Variants in VEZT observed in about 807,000 individuals in gnomAD.
VEZT encodes the protein vezatin.
VEZT carries 39 observed loss-of-function variants against 79.9 expected under a neutral mutation model. That is an observed-to-expected ratio of 0.49 (90% confidence interval 0.38 to 0.64). The LOEUF is 0.64. VEZT is among the 30% of genes least tolerant of loss of function. The probability of loss-of-function intolerance (pLI) is 0.00; values close to 1 mark genes in which losing one functional copy is unlikely to be tolerated. For synonymous variants in VEZT, 325 were observed against 327.6 expected, an observed-to-expected ratio of 0.99 and a Z score of 0.09; for missense variants, 837 against 893.1, an observed-to-expected ratio of 0.94 and a Z score of 0.80.
intron 5 of VEZT, among the ~76,000 whole-genome samples, chr12:95,267,972 A>G (rs1356776229): frequency 6.6e-6 from 1 of 151,884 alleles, no homozygotes; most frequent in Non-Finnish European, 1.5e-5. Context: ...TAGTGAGCCA[A>G]GATTGTGCCA....
chr12:95,267,729 G>GT (rs2065803970), intron 5 of VEZT, among the ~76,000 whole-genome samples: 1 of 152,118 alleles, frequency 6.6e-6, no homozygotes. Flanking sequence ...CTCAATCAAA[G>GT]TATAAAAGTC....
At chr12:95,235,695 G>A (rs2060019740) in intron 1 of VEZT, among the ~76,000 whole-genome samples, 1 of 151,168 alleles carries the variant, frequency 6.6e-6, no homozygotes, top group African/African-American at 2.4e-5. Flanking sequence ...TCCCGGACGG[G>A]GCGGCTGGCC....
intron 7 of VEZT, among the ~76,000 whole-genome samples, chr12:95,279,784 C>T (rs1399519281): frequency 6.6e-6 from 1 of 152,110 alleles, no homozygotes; most frequent in Non-Finnish European, 1.5e-5. Flanking sequence ...TTTGTAGAGG[C>T]AGGGGTCTCA....
intron 2 of VEZT, among the ~76,000 whole-genome samples, chr12:95,253,420 A>G (rs1207802956): frequency 6.6e-6 from 1 of 152,224 alleles, no homozygotes; most frequent in Non-Finnish European, 1.5e-5. Context: ...TAGGAGAGTT[A>G]GAGCTCACAT....
In VEZT at chr12:95,293,354, C is replaced by T. The variant is rs376806107; in HGVS notation, c.1523-918C>T. Reference sequence around the variant, plus strand: ...ATACTTCTTTATTTTAACCATTTAACTATTGTTACTTTTGAAAATTAAAAA... The same window carrying T: ...ATACTTCTTTATTTTAACCATTTAATTATTGTTACTTTTGAAAATTAAAAA... On this transcript the variant is annotated intron_variant, in intron 9 of 11. Transcript: ENST00000436874. 4.6e-5 allele frequency among the ~76,000 whole-genome samples: 7 copies of T among 152,126 alleles called. No individual in the cohort carries two copies. In the East Asian group the frequency reaches 5.8e-4, roughly 13 times the overall value.
At chr12:95,294,034 G>A (rs1452127354) in intron 9 of VEZT, 2 of 390,522 alleles carry the variant, frequency 5.1e-6, no homozygotes, top group Non-Finnish European at 4.8e-6. Flanking sequence ...GATTACAGGT[G>A]TGCACCACCA....
chr12:95,258,619 T>C (rs980681516), intron 3 of VEZT, among the ~76,000 whole-genome samples: 3 of 152,224 alleles, frequency 2.0e-5, no homozygotes, highest in African/African-American at 7.2e-5. Context: ...GTAAGAATAT[T>C]GGCAATTGCT....
intron 6 of VEZT, among the ~76,000 whole-genome samples, chr12:95,271,330 A>C (rs2066552163): frequency 6.6e-6 from 1 of 152,160 alleles, no homozygotes; most frequent in East Asian, 1.9e-4. Context: ...TGCTAGGAAA[A>C]CTGAGTAAAA....
chr12:95,283,026 G>A (rs1418515158), intron 8 of VEZT, among the ~76,000 whole-genome samples: 1 of 152,098 alleles, frequency 6.6e-6, no homozygotes, highest in Non-Finnish European at 1.5e-5. Flanking sequence ...ACCAGTACTG[G>A]AACAGTATAT....
At chr12:95,289,495 T>C (rs981783023) in intron 9 of VEZT, among the ~76,000 whole-genome samples, 1 of 151,854 alleles carries the variant, frequency 6.6e-6, no homozygotes, top group African/African-American at 2.4e-5. Flanking sequence ...ATGTTGAATC[T>C]TAGTCTATCG....
intron 8 of VEZT, 86 bp from the exon 9 acceptor site, chr12:95,287,578 A>T: frequency 7.8e-7 from 1 of 1,288,272 alleles, no homozygotes; most frequent in East Asian, 2.6e-5. Flanking sequence ...GCTGAGATTT[A>T]AGCTTATTTT....
Position 95,274,734 on chromosome 12 carries a change from A to C in VEZT, c.849-8A>C. ...AAGGCTTTGTTGATTGCCTTAACCT[A>C]ATTTAACCTACCCCCTGAACTCTGA... On this transcript the variant is annotated splice_region_variant and splice_polypyrimidine_tract_variant and intron_variant, in intron 6 of 11. Transcript: ENST00000436874. 1 of 1,607,070 alleles carries C rather than the reference A, an allele frequency of 6.2e-7. No homozygotes were observed. The highest frequency in any genetic ancestry group is 1.3e-5 in the African/African-American group (1 of 74,666).
chr12:95,234,241 A>G (rs999286205), intron 1 of VEZT, among the ~76,000 whole-genome samples: 2 of 151,866 alleles, frequency 1.3e-5, no homozygotes, highest in Non-Finnish European at 2.9e-5. Flanking sequence ...ATTGTAAATT[A>G]AAAAACTGTT....
chr12:95,245,385 C>A, intron 1 of VEZT: 1 of 389,458 alleles, frequency 2.6e-6, no homozygotes, highest in Non-Finnish European at 5.0e-6. Flanking sequence ...GGAAACAGAG[C>A]ATACCTAGAA....
chr12:95,252,645 G>A (rs2062790923), intron 2 of VEZT, among the ~76,000 whole-genome samples: 1 of 152,122 alleles, frequency 6.6e-6, no homozygotes. Context: ...ATTCATTTAT[G>A]TCCTGCTAGC....
chr12:95,249,675 C>T lies in VEZT; in HGVS notation c.37-2265C>T, dbSNP rs73227412. Among the ~76,000 whole-genome samples, 1,324 of 152,218 alleles carry T rather than the reference C, an allele frequency of 8.7e-3. 12 individuals are homozygous for T. Among genetic ancestry groups the T allele is most frequent in the Non-Finnish European group, 0.013 (868 of 67,992 alleles). On this transcript the variant is annotated intron_variant, in intron 1 of 11. Coordinates refer to ENST00000436874, the MANE Select transcript of VEZT (RefSeq NM_017599.4). ...TTCTTCTGAATGCAAGAATATATTCCCTAAATGTCTTGGTCTATCTTAGGT... is the reference window on the plus strand; with the variant it reads ...TTCTTCTGAATGCAAGAATATATTCTCTAAATGTCTTGGTCTATCTTAGGT...
chr12:95,275,965 A>G (rs1161184398), intron 7 of VEZT: 1 of 152,202 alleles, frequency 6.6e-6, no homozygotes, highest in African/African-American at 2.4e-5. Flanking sequence ...AAAAATAATA[A>G]GCCGACCATT....
intron 2 of VEZT, 123 bp downstream of exon 2, chr12:95,252,194 T>C (rs2062717249): frequency 9.3e-7 from 1 of 1,079,882 alleles, no homozygotes; most frequent in Non-Finnish European, 1.3e-6. Flanking sequence ...ATTTCATCAA[T>C]AGTACAAAAC....
In VEZT at chr12:95,294,422, T is replaced by C. The variant is rs188455680; in HGVS notation, c.1623+50T>C. Reference sequence around the variant, plus strand: ...TCCCTTGTTGGATTTCTGTTTCTAATGAGCTTCAAAATTACAACATAATAT... The same window carrying C: ...TCCCTTGTTGGATTTCTGTTTCTAACGAGCTTCAAAATTACAACATAATAT... On this transcript the variant is annotated intron_variant, in intron 10 of 11. Transcript: ENST00000436874. The C allele has an allele frequency of 1.4e-5, 20 of 1,404,096 alleles. No homozygotes were observed. The East Asian group carries it at 5.0e-4, about 35-fold the overall frequency. The allele number at this position is 1,404,096 out of a possible 1,614,324, so 87.0% of individuals were successfully genotyped here. A position where few individuals can be genotyped will look rare whatever the true frequency, so the allele number is the denominator to read the frequency against.
Sources: gnomAD v4.1 joint callset for allele counts (sites outside exome capture counted in the v4.1 genomes callset) on GRCh38, gnomAD v4.1.1 for gene constraint, MANE v1.5 for transcripts, NCBI Gene and HGNC (gene_info 2026-07-23, HGNC 2026-07-21) for gene names.